The following KCNH7 variants were observed in gnomAD, a reference collection of about 807,000 sequenced individuals.
KCNH7 encodes potassium voltage-gated channel subfamily H member 7.
KCNH7 carries 49 observed loss-of-function variants against 120.8 expected under a neutral mutation model. That is an observed-to-expected ratio of 0.41 (90% CI 0.32 to 0.51). The LOEUF (loss-of-function observed/expected upper bound fraction) is 0.51. KCNH7 is among the 20% of genes least tolerant of loss of function. KCNH7 has a pLI of 0.38. For missense variants in KCNH7, 1,097 were observed against 1,446.6 expected (o/e 0.76, Z 3.92); for synonymous variants, 547 against 516.1 (o/e 1.06, Z -0.81).
rs745898849 is a variant in KCNH7 at position 162,504,639 on chromosome 2, T to C, written c.932A>G (p.Lys311Arg). The change falls in exon 6 of 16, where the codon AAG (lysine) becomes AGG (arginine). Residue 311 changes from lysine to arginine, a missense_variant. By Grantham distance (26) the Lys-to-Arg change is conservative (BLOSUM62 2). This residue lies in a region of KCNH7 where 362 missense variants were observed against 372.2 expected (regional missense o/e 0.97). Transcript: ENST00000332142. ...RNVKGPFNHI[K>R]SSLLGSTSDS... is the part of the protein sequence containing the mutation. ...TGATGTGGATCCCAGGAGGCTTGAC[T>C]TGATATGATTAAAAGGCCCTAAAAA... The C allele has an allele frequency of 6.2e-6, 10 of 1,610,842 alleles. No individual in the cohort carries two copies. The African/African-American group carries it at 9.4e-5, about 15-fold the overall frequency.
intron 2 of KCNH7, among the ~76,000 whole-genome samples, chr2:162,594,157 G>A (rs1169729677): frequency 1.3e-5 from 2 of 151,986 alleles, no homozygotes; most frequent in African/African-American, 4.8e-5. Context: ...TGGGGAAGGT[G>A]AGGGCATATC....
chr2:162,661,743 G>C (rs142460134), intron 2 of KCNH7, among the ~76,000 whole-genome samples: 2 of 152,040 alleles, frequency 1.3e-5, no homozygotes, highest in East Asian at 3.9e-4. Context: ...GTAATATTGA[G>C]AAGGAGATAC....
chr2:162,580,875 A>C lies in KCNH7; in HGVS notation c.308-43795T>G, dbSNP rs190540733. ...GTAGAGAGAAACCTTCATAATTCCT[A>C]GATAGAAATAGTCCCCAGATGTCAA... On this transcript the variant is annotated intron_variant, in intron 2 of 15. Transcript: ENST00000332142. Among the ~76,000 whole-genome samples, 21 of 152,194 alleles carry C rather than the reference A, an allele frequency of 1.4e-4. No individual in the cohort carries two copies. The East Asian group carries it at 4.1e-3, about 30-fold the overall frequency.
At chr2:162,544,007 TTC>T (rs1272987448) in intron 2 of KCNH7, among the ~76,000 whole-genome samples, 1 of 152,176 alleles carries the variant, frequency 6.6e-6, no homozygotes, top group Non-Finnish European at 1.5e-5. Flanking sequence ...ATCAGATTAA[TTC>T]TCTTGTCCAG....
chr2:162,629,801 A>G (rs1272057031), intron 2 of KCNH7, among the ~76,000 whole-genome samples: 1 of 152,116 alleles, frequency 6.6e-6, no homozygotes, highest in Non-Finnish European at 1.5e-5. Context: ...TGAGCTGATT[A>G]TCAAATGTTT....
intron 2 of KCNH7, among the ~76,000 whole-genome samples, chr2:162,671,517 G>A (rs905750812): frequency 6.6e-6 from 1 of 151,928 alleles, no homozygotes; most frequent in Non-Finnish European, 1.5e-5. Flanking sequence ...AGTACACATG[G>A]ACATACAAAG....
chr2:162,600,327 C>G (rs771651702), intron 2 of KCNH7, among the ~76,000 whole-genome samples: 35 of 152,188 alleles, frequency 2.3e-4, no homozygotes, highest in Non-Finnish European at 4.9e-4. Context: ...GGAAGGTGAT[C>G]ACCAATAGGT....
At chr2:162,459,254 C>T (rs1689072329) in intron 6 of KCNH7, among the ~76,000 whole-genome samples, 1 of 151,914 alleles carries the variant, frequency 6.6e-6, no homozygotes. Context: ...CTGGTATATA[C>T]ATGTAATGTA....
At chr2:162,505,179 C>T (rs1476199307) in intron 5 of KCNH7, among the ~76,000 whole-genome samples, 3 of 151,866 alleles carry the variant, frequency 2.0e-5, no homozygotes, top group Non-Finnish European at 4.4e-5. Context: ...TGAGATGCTC[C>T]ACAGAGCTTC....
chr2:162,529,526 G>A (rs1175857399), intron 3 of KCNH7, among the ~76,000 whole-genome samples: 1 of 151,784 alleles, frequency 6.6e-6, no homozygotes, highest in African/African-American at 2.4e-5. Flanking sequence ...GAAGACATAT[G>A]AAATTCAAAT....
chr2:162,792,762 G>GGTGT (rs59397474), intron 2 of KCNH7, among the ~76,000 whole-genome samples: 7 of 124,938 alleles, frequency 5.6e-5, no homozygotes, highest in African/African-American at 2.2e-4. Context: ...TCTTTTGAAT[G>GGTGT]GTGTGTGTGT....
intron 4 of KCNH7, among the ~76,000 whole-genome samples, chr2:162,514,206 G>A (rs1691206956): frequency 6.6e-6 from 1 of 151,678 alleles, no homozygotes; most frequent in African/African-American, 2.4e-5. Flanking sequence ...ACATTGCATT[G>A]GACAAAGATA....
intron 2 of KCNH7, among the ~76,000 whole-genome samples, chr2:162,765,743 T>A (rs1011218594): frequency 6.6e-6 from 1 of 152,096 alleles, no homozygotes; most frequent in African/African-American, 2.4e-5. Context: ...GATGACAAAA[T>A]TCTGAATATT....
At chr2:162,497,780 A>G (rs1164925217) in intron 6 of KCNH7, among the ~76,000 whole-genome samples, 6 of 152,160 alleles carry the variant, frequency 3.9e-5, no homozygotes. Flanking sequence ...TGTCATACAG[A>G]TTAAAATTGA....
intron 2 of KCNH7, among the ~76,000 whole-genome samples, chr2:162,816,855 T>A (rs1304068421): frequency 6.6e-6 from 1 of 152,166 alleles, no homozygotes; most frequent in Non-Finnish European, 1.5e-5. Flanking sequence ...TGTTGAAAAT[T>A]TTTTTTAAAA....
chr2:162,659,137 C>A (rs948722046), intron 2 of KCNH7, among the ~76,000 whole-genome samples: 1 of 152,090 alleles, frequency 6.6e-6, no homozygotes, highest in Non-Finnish European at 1.5e-5. Flanking sequence ...AGGAAGTTAC[C>A]TTCTATTGCT....
At chr2:162,506,487 A>G (rs984427845) in intron 5 of KCNH7, among the ~76,000 whole-genome samples, 4 of 151,652 alleles carry the variant, frequency 2.6e-5, no homozygotes, top group African/African-American at 2.4e-5. Flanking sequence ...CTTTTCCCCA[A>G]CTCTAATGTC....
chr2:162,399,318 T>G (rs1050589327), intron 10 of KCNH7, among the ~76,000 whole-genome samples: 1 of 151,746 alleles, frequency 6.6e-6, no homozygotes, highest in African/African-American at 2.4e-5. Flanking sequence ...CAAGTTCACA[T>G]GGCCTAAATT....
In KCNH7 at chr2:162,571,421, C is replaced by A. The variant is rs1308262722; in HGVS notation, c.308-34341G>T. ...GGATACAAACAAATGGAAGAACATT[C>A]CATGCTCATGGGTAGGAAGAATCAA... On this transcript the variant is annotated intron_variant, in intron 2 of 15. Coordinates refer to ENST00000332142, the MANE Select transcript of KCNH7 (RefSeq NM_033272.4). Among the ~76,000 whole-genome samples the A allele has an allele frequency of 7.4e-5, 11 of 148,470 alleles. No individual in the cohort carries two copies. The East Asian group carries it at 1.2e-3, about 16-fold the overall frequency.
Sources: allele counts gnomAD v4.1 joint callset (sites outside exome capture counted in the v4.1 genomes callset), GRCh38; gene constraint gnomAD v4.1.1; regional missense constraint gnomAD v4.1.1; transcripts MANE v1.5; gene names NCBI Gene and HGNC (gene_info 2026-07-23, HGNC 2026-07-21).